The following LUZP2 variants were observed in gnomAD, a reference collection of about 807,000 sequenced individuals.
LUZP2 encodes the protein leucine zipper protein 2.
LUZP2 carries 52 observed loss-of-function variants against 51.6 expected under a neutral mutation model. The observed-to-expected ratio is 1.01, with a 90% CI of 0.81 to 1.27. The LOEUF (loss-of-function observed/expected upper bound fraction) is 1.27. Ranked by LOEUF, LUZP2 falls within the 50% of genes most tolerant of loss-of-function variation. The pLI is 0.00. For synonymous variants in LUZP2, 154 were observed against 137.3 expected (o/e 1.12, Z -0.85); for missense variants, 436 against 395.4 (o/e 1.10, Z -0.87).
At chr11:24,757,256 T>C (rs1442527631) in intron 4 of LUZP2, among the ~76,000 whole-genome samples, 2 of 152,222 alleles carry the variant, frequency 1.3e-5, no homozygotes, top group Non-Finnish European at 2.9e-5. Context: ...ACAAATAAAA[T>C]ATGTATTGAA....
At chr11:25,059,615 C>T (rs1245744902) in intron 10 of LUZP2, among the ~76,000 whole-genome samples, 1 of 152,106 alleles carries the variant, frequency 6.6e-6, no homozygotes, top group Non-Finnish European at 1.5e-5. Flanking sequence ...TCTGATGTTT[C>T]TGCCTTGAGG....
At chr11:24,696,943 C>A (rs1208340213) in intron 1 of LUZP2, among the ~76,000 whole-genome samples, 5 of 151,832 alleles carry the variant, frequency 3.3e-5, no homozygotes, top group Non-Finnish European at 1.5e-5. Flanking sequence ...ACATAAACAA[C>A]AGTAAAGAAC....
At chr11:25,006,005 T>A (rs1384301783) in intron 9 of LUZP2, among the ~76,000 whole-genome samples, 1 of 152,106 alleles carries the variant, frequency 6.6e-6, no homozygotes, top group African/African-American at 2.4e-5. Context: ...ATTGATGCCT[T>A]ATGTCCTTAC....
At chr11:24,896,562 C>T (rs1049566299) in intron 5 of LUZP2, among the ~76,000 whole-genome samples, 21 of 152,282 alleles carry the variant, frequency 1.4e-4, no homozygotes, top group African/African-American at 4.8e-4. Flanking sequence ...CTCCCATGCC[C>T]CAGCCTCCTC....
chr11:24,875,073 A>C (rs542003189), intron 5 of LUZP2, among the ~76,000 whole-genome samples: 1 of 152,244 alleles, frequency 6.6e-6, no homozygotes, highest in Non-Finnish European at 1.5e-5. Context: ...GTATCCATTA[A>C]GGAAAAGTAT....
chr11:25,023,718 G>C (rs924913814), intron 9 of LUZP2, among the ~76,000 whole-genome samples: 1 of 152,012 alleles, frequency 6.6e-6, no homozygotes, highest in Non-Finnish European at 1.5e-5. Context: ...TATTTTAATT[G>C]TGATGTTAGG....
intron 4 of LUZP2, among the ~76,000 whole-genome samples, chr11:24,740,208 G>T (rs1158687463): frequency 1.3e-5 from 2 of 152,114 alleles, no homozygotes; most frequent in African/African-American, 4.8e-5. Flanking sequence ...CGTGTTTCTA[G>T]CTTGTATTTG....
In LUZP2 at chr11:24,637,633, G is replaced by A. The variant is rs149137825; in HGVS notation, c.63-91536G>A. On this transcript the variant is annotated intron_variant, in intron 1 of 11. Coordinates refer to ENST00000336930, the MANE Select transcript of LUZP2 (RefSeq NM_001009909.4). ...CGGTCTATGAACGGCCGCTCTAGGG[G>A]TGTCTGTCTTATGTGATTGATAATA... Among the ~76,000 whole-genome samples the A allele has an allele frequency of 5.7e-4, 87 of 151,872 alleles. No homozygotes were observed. In the East Asian group the frequency reaches 0.015, roughly 26 times the overall value.
At chr11:24,898,384 G>A (rs1022143463) in intron 5 of LUZP2, among the ~76,000 whole-genome samples, 1 of 152,198 alleles carries the variant, frequency 6.6e-6, no homozygotes, top group African/African-American at 2.4e-5. Flanking sequence ...TAGCATTTTG[G>A]GAGGCCGAGG....
chr11:24,918,385 G>T (rs568557474), intron 7 of LUZP2, among the ~76,000 whole-genome samples: 19 of 152,060 alleles, frequency 1.2e-4, no homozygotes, highest in Admixed American at 3.9e-4. Flanking sequence ...GAATAGGAGT[G>T]GTGAGAGAGG....
At chr11:25,059,662 G>T (rs751498433) in intron 10 of LUZP2, among the ~76,000 whole-genome samples, 3 of 152,106 alleles carry the variant, frequency 2.0e-5, no homozygotes, top group Non-Finnish European at 2.9e-5. Flanking sequence ...CAAGGTAAAA[G>T]TTACTCAAGG....
intron 5 of LUZP2, among the ~76,000 whole-genome samples, chr11:24,792,277 A>C (rs1428685476): frequency 2.6e-5 from 4 of 152,024 alleles, no homozygotes; most frequent in Non-Finnish European, 4.4e-5. Context: ...ATACAAAAAA[A>C]TTAGCTGGGC....
chr11:25,029,902 G>A (rs1486562835), intron 9 of LUZP2, among the ~76,000 whole-genome samples: 1 of 149,510 alleles, frequency 6.7e-6, no homozygotes, highest in Admixed American at 6.7e-5. Flanking sequence ...CAATTGCCAT[G>A]TCAATAGATA....
chr11:25,019,383 A>G (rs1394427438), intron 9 of LUZP2, among the ~76,000 whole-genome samples: 1 of 152,176 alleles, frequency 6.6e-6, no homozygotes, highest in African/African-American at 2.4e-5. Context: ...ACTTTTTGTG[A>G]ATGATATAAT....
At chr11:24,581,988 T>C (rs914529034) in intron 1 of LUZP2, among the ~76,000 whole-genome samples, 6 of 152,028 alleles carry the variant, frequency 3.9e-5, no homozygotes, top group Admixed American at 6.6e-5. Flanking sequence ...CCACCTCCTC[T>C]AAACCACGCT....
At chr11:24,831,046 C>G (rs770723971) in intron 5 of LUZP2, among the ~76,000 whole-genome samples, 6 of 152,018 alleles carry the variant, frequency 3.9e-5, no homozygotes, top group Admixed American at 6.6e-5. Flanking sequence ...AGAAGCAAGG[C>G]TAAGAGTCAA....
chr11:24,627,686 C>T (rs76038527), intron 1 of LUZP2, among the ~76,000 whole-genome samples: 1 of 152,098 alleles, frequency 6.6e-6, no homozygotes, highest in African/African-American at 2.4e-5. Flanking sequence ...ATTTTCCCTG[C>T]AAAATGGAAC....
chr11:24,996,439 T>G (rs1856500252), intron 9 of LUZP2, among the ~76,000 whole-genome samples: 2 of 152,034 alleles, frequency 1.3e-5, no homozygotes. Flanking sequence ...TATTAAATTA[T>G]GAAACTTCTG....
intron 5 of LUZP2, among the ~76,000 whole-genome samples, chr11:24,809,734 T>C (rs1404457040): frequency 1.3e-5 from 2 of 152,020 alleles, no homozygotes; most frequent in East Asian, 1.9e-4. Context: ...AATAGATTTT[T>C]TTCCTTATGC....
Sources: allele counts gnomAD v4.1 joint callset (sites outside exome capture counted in the v4.1 genomes callset), GRCh38; gene constraint gnomAD v4.1.1; transcripts MANE v1.5; gene names NCBI Gene and HGNC (gene_info 2026-07-23, HGNC 2026-07-21).